SNAPC3: variants seen among roughly 807,000 people sequenced by gnomAD.
SNAPC3 encodes the protein small nuclear RNA activating complex polypeptide 3.
Under a neutral mutation model 47.7 loss-of-function variants are expected in SNAPC3, and 56 were observed. The ratio of observed to expected loss-of-function variants is 1.18; its 90% CI spans 0.95 to 1.47. The LOEUF (loss-of-function observed/expected upper bound fraction) is 1.47, where lower values mean the gene tolerates loss of function less well. SNAPC3 is among the 40% of genes most tolerant of loss of function. The probability of loss-of-function intolerance (pLI) is 0.00; values close to 1 mark genes in which losing one functional copy is unlikely to be tolerated. For synonymous variants in SNAPC3, 235 were observed against 189.9 expected (o/e 1.24, Z -1.95); for missense variants, 665 against 511.3 (o/e 1.30, Z -2.90).
chr9:15,437,834 A>G lies in SNAPC3; in HGVS notation c.477+4198A>G, dbSNP rs187746510. On this transcript the variant is annotated intron_variant, in intron 3 of 8. Transcript: ENST00000380821. ...CAGAAGAAAAGTTGGAAAATTCACA[A>G]AAATTAAACACATTTGACAAAAGCC... 7.3e-4 allele frequency among the ~76,000 whole-genome samples: 111 copies of G among 152,316 alleles called. 1 individual carries two copies. The highest frequency in any genetic ancestry group is 1.2e-3 in the Non-Finnish European group (81 of 68,026).
intron 2 of SNAPC3, among the ~76,000 whole-genome samples, chr9:15,430,691 T>C (rs2032026912): frequency 6.6e-6 from 1 of 152,216 alleles, no homozygotes; most frequent in Non-Finnish European, 1.5e-5. Flanking sequence ...GTATTGTTTG[T>C]AATTGCAAAA....
At chr9:15,454,818 T>C (rs565898346) in intron 7 of SNAPC3, among the ~76,000 whole-genome samples, 25 of 152,140 alleles carry the variant, frequency 1.6e-4, no homozygotes, top group South Asian at 1.5e-3. Flanking sequence ...CCTGTAGTCC[T>C]AGCTACTCGG....
intron 8 of SNAPC3, among the ~76,000 whole-genome samples, chr9:15,458,676 T>C (rs967094174): frequency 2.0e-5 from 3 of 152,070 alleles, no homozygotes; most frequent in South Asian, 2.1e-4. Flanking sequence ...AAAAAAAATT[T>C]GTTGCTTTTG....
At chr9:15,440,948 C>CAAAAAAAA (rs1199527486) in intron 3 of SNAPC3, among the ~76,000 whole-genome samples, 3 of 121,638 alleles carry the variant, frequency 2.5e-5, no homozygotes, top group African/African-American at 9.6e-5. Context: ...GACTCCGTCT[C>CAAAAAAAA]AAAAAAAAAA....
chr9:15,459,605 AACAG>A (rs1391317611), intron 8 of SNAPC3, 110 bp from the exon 9 acceptor site: 2 of 808,074 alleles, frequency 2.5e-6, no homozygotes, highest in Non-Finnish European at 4.0e-6. Flanking sequence ...ATGCATTAAT[AACAG>A]ACTGATAAGG....
At chr9:15,438,829 T>G (rs971230024) in intron 3 of SNAPC3, among the ~76,000 whole-genome samples, 4 of 152,220 alleles carry the variant, frequency 2.6e-5, no homozygotes, top group African/African-American at 9.6e-5. Flanking sequence ...AGCTGTTGTT[T>G]GGAGAGTTCT....
intron 3 of SNAPC3, among the ~76,000 whole-genome samples, chr9:15,442,313 C>T (rs545946058): frequency 4.7e-5 from 7 of 150,162 alleles, no homozygotes; most frequent in South Asian, 4.2e-4. Context: ...ACCTCCCTCC[C>T]GGACAGGGAG....
At chr9:15,453,294 G>C in intron 7 of SNAPC3, 89 bp downstream of exon 7, 3 of 1,063,966 alleles carry the variant, frequency 2.8e-6, no homozygotes, top group Non-Finnish European at 4.0e-6. Context: ...AAAAATAAGA[G>C]GAGTAAAAGT....
downstream of SNAPC3, chr9:15,465,405 A>G: frequency 3.3e-6 from 3 of 908,996 alleles, no homozygotes; most frequent in Non-Finnish European, 5.1e-6. Flanking sequence ...CTCCCTCAAA[A>G]CAAGTTTTCA....
chr9:15,442,345 C>A (rs2033511585), intron 3 of SNAPC3, among the ~76,000 whole-genome samples: 1 of 151,636 alleles, frequency 6.6e-6, no homozygotes, highest in South Asian at 2.1e-4. Flanking sequence ...GGGGCGGCTG[C>A]CGGGCAGAGA....
intron 3 of SNAPC3, among the ~76,000 whole-genome samples, chr9:15,440,188 A>G (rs2033197566): frequency 6.6e-6 from 1 of 152,238 alleles, no homozygotes. Flanking sequence ...GGAAAAACAG[A>G]AAAATCGTAG....
downstream of SNAPC3, chr9:15,465,679 A>T (rs752287994): frequency 9.4e-6 from 9 of 961,740 alleles, no homozygotes; most frequent in Non-Finnish European, 1.1e-5. Flanking sequence ...ACCCATGAAA[A>T]GACTGAAACC....
downstream of SNAPC3, chr9:15,465,693 C>G: frequency 3.6e-6 from 3 of 822,844 alleles, no homozygotes; most frequent in African/African-American, 1.8e-5. Flanking sequence ...TGAAACCAAC[C>G]AAACAAAAGA....
chr9:15,441,365 G>T (rs1480960758), intron 3 of SNAPC3, among the ~76,000 whole-genome samples: 16 of 132,538 alleles, frequency 1.2e-4, no homozygotes, highest in African/African-American at 4.4e-4. Context: ...TGCCAACAGT[G>T]TGCAAGAGTT....
intron 3 of SNAPC3, among the ~76,000 whole-genome samples, chr9:15,434,014 C>G (rs1395057114): frequency 6.6e-6 from 1 of 152,152 alleles, no homozygotes; most frequent in African/African-American, 2.4e-5. Flanking sequence ...AAGATGATGA[C>G]TCTTGAGGAA....
At position 15,423,923 on chromosome 9, in the gene SNAPC3, A is replaced by G. The variant is rs1156624121; in HGVS notation, c.329A>G (p.Lys110Arg). ...TTTTGTTTTAGCCTTGATAAACTGA[A>G]ATGCCTTGAGGACGGTGAGGATCCA... Reference protein sequence around the residue: ...LRAVCGLDKLKCLEDGEDPEV... With the variant: ...LRAVCGLDKLRCLEDGEDPEV... Residue 110 changes from lysine (K) to arginine (R), a missense_variant, in exon 2 of 9, where the codon AAA becomes AGA. By Grantham distance (26) the Lys-to-Arg change is conservative. Transcript: ENST00000380821. 1 of 1,574,912 alleles carries G rather than the reference A, an allele frequency of 6.3e-7. No homozygotes were observed. Among genetic ancestry groups the G allele is most frequent in the Non-Finnish European group, 8.6e-7 (1 of 1,162,052 alleles).
chr9:15,426,338 A>T (rs571755783), intron 2 of SNAPC3, among the ~76,000 whole-genome samples: 2 of 152,030 alleles, frequency 1.3e-5, no homozygotes, highest in East Asian at 3.9e-4. Context: ...TACGGACTCC[A>T]TTTAGGTCAT....
chr9:15,429,937 A>C (rs1426795277), intron 2 of SNAPC3, among the ~76,000 whole-genome samples: 1 of 152,202 alleles, frequency 6.6e-6, no homozygotes, highest in Non-Finnish European at 1.5e-5. Context: ...ATCAAGCAGG[A>C]GTAGTGATGC....
intron 3 of SNAPC3, among the ~76,000 whole-genome samples, chr9:15,443,508 T>G (rs547127193): frequency 3.3e-5 from 5 of 152,276 alleles, no homozygotes; most frequent in South Asian, 4.1e-4. Context: ...TTGTACGTGG[T>G]CACTGATGTT....
Sources: allele counts gnomAD v4.1 joint callset (sites outside exome capture counted in the v4.1 genomes callset), GRCh38; gene constraint gnomAD v4.1.1; transcripts MANE v1.5; gene names NCBI Gene and HGNC (gene_info 2026-07-23, HGNC 2026-07-21).